Variants in MYO16 observed in about 807,000 individuals in gnomAD.
MYO16 encodes myosin XVI.
MYO16 carries 94 observed loss-of-function variants against 205.3 expected under a neutral mutation model. The observed-to-expected ratio is 0.46, with a 90% CI of 0.39 to 0.54. The LOEUF (loss-of-function observed/expected upper bound fraction) is 0.54, where lower values mean the gene tolerates loss of function less well. MYO16 is among the 20% of genes least tolerant of loss of function. The probability of loss-of-function intolerance (pLI) is 0.00; values close to 1 mark genes in which losing one functional copy is unlikely to be tolerated. For missense variants in MYO16, 2,315 were observed against 2,387.5 expected, an observed-to-expected ratio of 0.97 and a Z score of 0.63; for synonymous variants, 988 against 954.0, an observed-to-expected ratio of 1.04 and a Z score of -0.66.
intron 34 of MYO16, among the ~76,000 whole-genome samples, chr13:109,193,697 G>T (rs192463056): frequency 1.3e-5 from 2 of 152,164 alleles, no homozygotes; most frequent in East Asian, 3.9e-4. Context: ...TCCTCTGAAG[G>T]CTATGTGTGC....
chr13:108,564,594 A>G, the MYO16 span, among the ~76,000 whole-genome samples: 97 of 152,154 alleles, frequency 6.4e-4, no homozygotes, highest in African/African-American at 2.3e-3. Flanking sequence ...TTCTCATTCT[A>G]TGGGTTGTCT....
the MYO16 span, among the ~76,000 whole-genome samples, chr13:108,522,350 C>T: frequency 6.6e-6 from 1 of 152,186 alleles, no homozygotes; most frequent in Admixed American, 6.5e-5. Flanking sequence ...TTACATTTAA[C>T]ATGTTCCTTT....
intron 10 of MYO16, among the ~76,000 whole-genome samples, chr13:108,852,566 C>T (rs1165677021): frequency 2.6e-5 from 4 of 152,168 alleles, no homozygotes; most frequent in African/African-American, 7.2e-5. Context: ...GAAAGAAATA[C>T]GTGAACGAGA....
At chr13:108,552,515 A>C in the MYO16 span, among the ~76,000 whole-genome samples, 1 of 152,030 alleles carries the variant, frequency 6.6e-6, no homozygotes, top group African/African-American at 2.4e-5. Context: ...CATTTTCCCT[A>C]TATCTTGCAA....
intron 5 of MYO16, among the ~76,000 whole-genome samples, chr13:108,786,976 A>G (rs1886476095): frequency 6.6e-6 from 1 of 152,138 alleles, no homozygotes; most frequent in South Asian, 2.1e-4. Context: ...AGTTATACAG[A>G]CTTCTTAGTT....
intron 14 of MYO16, among the ~76,000 whole-genome samples, chr13:108,889,549 C>A (rs7986272): frequency 1.3e-5 from 2 of 151,938 alleles, no homozygotes; most frequent in African/African-American, 4.8e-5. Flanking sequence ...GTGGGGGGAA[C>A]AGACAGGACA....
chr13:108,583,455 A>G, the MYO16 span, among the ~76,000 whole-genome samples: 1 of 152,206 alleles, frequency 6.6e-6, no homozygotes, highest in African/African-American at 2.4e-5. Context: ...GGTTGCTAAC[A>G]TGGAGTATTT....
intron 13 of MYO16, among the ~76,000 whole-genome samples, chr13:108,885,515 C>T (rs9559434): frequency 0.56 from 84,863 of 152,004 alleles, 23,978 homozygotes; most frequent in Non-Finnish European, 0.59. Context: ...TTTGTCTGTC[C>T]AGTTTCCTGG....
intron 4 of MYO16, among the ~76,000 whole-genome samples, chr13:108,747,907 A>G (rs1006073886): frequency 6.6e-5 from 10 of 152,134 alleles, no homozygotes; most frequent in Non-Finnish European, 8.8e-5. Context: ...CAAACCCACT[A>G]TTATAGACTT....
chr13:108,618,526 G>C (rs968400516), intron 1 of MYO16, among the ~76,000 whole-genome samples: 1 of 152,160 alleles, frequency 6.6e-6, no homozygotes, highest in African/African-American at 2.4e-5. Flanking sequence ...GCCATTGCCT[G>C]GGCCAGCCAC....
Position 108,844,451 on chromosome 13 carries a change from C to T in MYO16, c.1206C>T (p.Ile402=). The T allele has an allele frequency of 2.5e-6, 4 of 1,611,916 alleles. No individual in the cohort carries two copies. Among genetic ancestry groups the T allele is most frequent in the Non-Finnish European group, 3.4e-6 (4 of 1,178,458 alleles). ...GLCKQQSQDS[I]PENPMMSGST... ...GTAAGCAGCAGTCTCAGGACAGCAT[C>T]CCTGAAAACCCCATGATGAGCGGTT... is the stretch of plus-strand genomic sequence containing the variant. Residue 402 remains isoleucine (I), a synonymous_variant, in exon 10 of 35, where the codon ATC becomes ATT. Coordinates refer to ENST00000457511, the MANE Select transcript of MYO16 (RefSeq NM_001198950.3).
chr13:108,820,260 A>G, intron 7 of MYO16, 77 bp from the exon 8 acceptor site: 4 of 1,058,982 alleles, frequency 3.8e-6, no homozygotes, highest in East Asian at 2.6e-5. Context: ...TTAGTTGGAC[A>G]GCACAGTGTA....
At chr13:108,814,890 C>T (rs1887401984) in intron 7 of MYO16, among the ~76,000 whole-genome samples, 1 of 152,076 alleles carries the variant, frequency 6.6e-6, no homozygotes. Context: ...AAACAAACCC[C>T]ACCGCAGATT....
chr13:108,704,215 T>C (rs1418428746), intron 2 of MYO16, among the ~76,000 whole-genome samples: 1 of 152,202 alleles, frequency 6.6e-6, no homozygotes, highest in Non-Finnish European at 1.5e-5. Context: ...AGAATACTCC[T>C]AAATAACCAA....
At position 108,957,900 on chromosome 13, in the gene MYO16, G is replaced by C. The variant is rs1037650438; in HGVS notation, c.2037+101G>C. Reference sequence around the variant, plus strand: ...TTTACTGAGCCCCTATGACATTCCAGATGTTGCCGAGGACACTGATGATTC... The same window carrying C: ...TTTACTGAGCCCCTATGACATTCCACATGTTGCCGAGGACACTGATGATTC... On this transcript the variant is annotated intron_variant, in intron 17 of 34. Coordinates refer to ENST00000457511, the MANE Select transcript of MYO16 (RefSeq NM_001198950.3). 58 of 925,628 alleles carry C rather than the reference G, an allele frequency of 6.3e-5. No individual in the cohort carries two copies. In the East Asian group the frequency reaches 1.6e-3, roughly 25 times the overall value. 57.3% of individuals were successfully genotyped at this position (925,628 alleles called of 1,614,324 possible). A position where few individuals can be genotyped will look rare whatever the true frequency, so the allele number is the denominator to read the frequency against.
chr13:108,501,075 T>G, the MYO16 span, among the ~76,000 whole-genome samples: 2 of 152,188 alleles, frequency 1.3e-5, no homozygotes, highest in African/African-American at 4.8e-5. Flanking sequence ...CCAGATCATC[T>G]TCCCCCAAAT....
chr13:108,602,279 C>T (rs1307256793), intron 1 of MYO16, among the ~76,000 whole-genome samples: 1 of 152,084 alleles, frequency 6.6e-6, no homozygotes, highest in Non-Finnish European at 1.5e-5. Flanking sequence ...AGGCACCACC[C>T]ACACAAGCAT....
chr13:109,054,951 C>T (rs1887363806), intron 25 of MYO16, 95 bp from the exon 26 acceptor site: 3 of 657,414 alleles, frequency 4.6e-6, no homozygotes, highest in South Asian at 2.3e-5. Flanking sequence ...TTCTCCCTCC[C>T]TTCCCTTCCC....
At chr13:108,607,883 C>T (rs569591599) in intron 1 of MYO16, among the ~76,000 whole-genome samples, 1 of 152,326 alleles carries the variant, frequency 6.6e-6, no homozygotes, top group South Asian at 2.1e-4. Context: ...TAAACCTTAA[C>T]TACTGGTTGT....
Sources: allele counts gnomAD v4.1 joint callset (sites outside exome capture counted in the v4.1 genomes callset), GRCh38; gene constraint gnomAD v4.1.1; transcripts MANE v1.5; gene names NCBI Gene and HGNC (gene_info 2026-07-23, HGNC 2026-07-21).